Variants in XKR9 observed in about 807,000 individuals in gnomAD.
XKR9 encodes the protein XK related 9.
XKR9 carries 32 observed loss-of-function variants against 32.0 expected under a neutral mutation model. The observed-to-expected ratio is 1.00, with a 90% CI of 0.76 to 1.34. The LOEUF (loss-of-function observed/expected upper bound fraction) is 1.34. XKR9 is among the 40% of genes most tolerant of loss of function. The pLI, the probability that XKR9 is intolerant of heterozygous loss-of-function variation, is 0.00. For synonymous variants in XKR9, 168 were observed against 143.4 expected, an observed-to-expected ratio of 1.17 and a Z score of -1.22; for missense variants, 546 against 429.7, an observed-to-expected ratio of 1.27 and a Z score of -2.39.
downstream of XKR9, among the ~76,000 whole-genome samples, chr8:70,793,729 G>A (rs879115975): frequency 1.3e-5 from 2 of 151,914 alleles, no homozygotes; most frequent in Admixed American, 6.6e-5. Flanking sequence ...CTTTATGTCA[G>A]TTCCACACTG....
At chr8:70,918,825 T>A in the XKR9 span, among the ~76,000 whole-genome samples, 3 of 120,538 alleles carry the variant, frequency 2.5e-5, no homozygotes, top group Admixed American at 1.0e-4. Flanking sequence ...TCGCCCAGGC[T>A]GGAGTGCAGT....
the XKR9 span, among the ~76,000 whole-genome samples, chr8:70,915,213 T>C: frequency 3.9e-5 from 6 of 152,094 alleles, no homozygotes; most frequent in Admixed American, 3.3e-4. Context: ...GGTTTTACAA[T>C]AGTGATGCTA....
At chr8:70,990,732 TAA>T in the XKR9 span, among the ~76,000 whole-genome samples, 40 of 88,920 alleles carry the variant, frequency 4.5e-4, no homozygotes, top group Non-Finnish European at 4.1e-4. Flanking sequence ...TTTGGCAGAA[TAA>T]GAGAGAGAGA....
the XKR9 span, among the ~76,000 whole-genome samples, chr8:71,027,149 G>A: frequency 6.6e-6 from 1 of 151,756 alleles, no homozygotes; most frequent in Non-Finnish European, 1.5e-5. Context: ...AAATCTGTAA[G>A]CATTTTTTTC....
At chr8:70,945,532 A>G in the XKR9 span, among the ~76,000 whole-genome samples, 1 of 152,172 alleles carries the variant, frequency 6.6e-6, no homozygotes, top group Non-Finnish European at 1.5e-5. Flanking sequence ...AAATAATTGG[A>G]GAAAAGGGAA....
the XKR9 span, among the ~76,000 whole-genome samples, chr8:71,021,745 C>T: frequency 1.5e-4 from 23 of 152,240 alleles, no homozygotes; most frequent in South Asian, 4.8e-3. Context: ...TCGTGATCCG[C>T]CCGTCTCGGC....
the XKR9 span, among the ~76,000 whole-genome samples, chr8:70,849,223 A>G: frequency 6.6e-6 from 1 of 152,018 alleles, no homozygotes; most frequent in Admixed American, 6.6e-5. Flanking sequence ...AATACAAAAC[A>G]AAACAAAACA....
chr8:70,886,590 C>T, the XKR9 span, among the ~76,000 whole-genome samples: 390 of 152,144 alleles, frequency 2.6e-3, 1 homozygote, highest in Middle Eastern at 0.017. Context: ...TTCTAACTGG[C>T]GTGAGATGGT....
At chr8:70,875,634 T>C in the XKR9 span, among the ~76,000 whole-genome samples, 1 of 152,180 alleles carries the variant, frequency 6.6e-6, no homozygotes, top group Non-Finnish European at 1.5e-5. Flanking sequence ...TGGTACATCA[T>C]AACAATAGAA....
the XKR9 span, among the ~76,000 whole-genome samples, chr8:70,877,154 G>GT: frequency 6.6e-6 from 1 of 152,000 alleles, no homozygotes; most frequent in Non-Finnish European, 1.5e-5. Context: ...GGATCTGAAG[G>GT]TTTTCCTTTG....
chr8:70,674,170 TA>T (rs1469878423), intron 1 of XKR9, among the ~76,000 whole-genome samples: 1 of 151,612 alleles, frequency 6.6e-6, no homozygotes, highest in African/African-American at 2.4e-5. Context: ...CCTTGTCTCT[TA>T]AAAAAAAGCA....
chr8:70,685,629 C>G (rs927783001), intron 3 of XKR9, among the ~76,000 whole-genome samples: 2 of 149,164 alleles, frequency 1.3e-5, no homozygotes, highest in African/African-American at 2.5e-5. Flanking sequence ...TAAACTATTG[C>G]AAGGGCAAAA....
intron 2 of XKR9, among the ~76,000 whole-genome samples, chr8:70,751,006 C>T (rs1807132059): frequency 6.6e-6 from 1 of 152,154 alleles, no homozygotes; most frequent in Non-Finnish European, 1.5e-5. Context: ...GAGCAGATGA[C>T]TTATCTACCT....
chr8:70,741,691 A>G (rs139439690), intron 2 of XKR9, among the ~76,000 whole-genome samples: 3 of 152,278 alleles, frequency 2.0e-5, no homozygotes, highest in East Asian at 1.9e-4. Context: ...CCTCTTGGCT[A>G]TTGTGAATAG....
At chr8:70,776,428 T>C (rs1202491523) in intron 2 of XKR9, among the ~76,000 whole-genome samples, 1 of 152,176 alleles carries the variant, frequency 6.6e-6, no homozygotes, top group Non-Finnish European at 1.5e-5. Flanking sequence ...GTATAAGCCA[T>C]TTTCTCTTCT....
intron 2 of XKR9, among the ~76,000 whole-genome samples, chr8:70,773,520 A>G (rs1482778874): frequency 6.6e-6 from 1 of 152,154 alleles, no homozygotes. Context: ...TGGCCTCAAC[A>G]TGTACATTTT....
chr8:70,835,945 A>G, the XKR9 span, among the ~76,000 whole-genome samples: 2 of 152,044 alleles, frequency 1.3e-5, no homozygotes, highest in Non-Finnish European at 2.9e-5. Flanking sequence ...AAAGAAAAAC[A>G]TTTTATTTTG....
intron 2 of XKR9, among the ~76,000 whole-genome samples, chr8:70,742,216 C>T (rs1461107775): frequency 6.6e-6 from 1 of 152,158 alleles, no homozygotes; most frequent in Non-Finnish European, 1.5e-5. Context: ...TGGGCAAAAA[C>T]TCAGTAATAT....
the XKR9 span, among the ~76,000 whole-genome samples, chr8:71,003,789 G>C: frequency 6.6e-6 from 1 of 152,206 alleles, no homozygotes; most frequent in African/African-American, 2.4e-5. Flanking sequence ...AGGACTCACA[G>C]CCTTGCTGTG....
Sources: gnomAD v4.1 joint callset for allele counts (sites outside exome capture counted in the v4.1 genomes callset) on GRCh38, gnomAD v4.1.1 for gene constraint, MANE v1.5 for transcripts, NCBI Gene and HGNC (gene_info 2026-07-23, HGNC 2026-07-21) for gene names.